TMPO: variants seen among roughly 807,000 people sequenced by gnomAD.
TMPO encodes the protein thymopoietin, also known as LEM domain containing 4.
TMPO carries 22 observed loss-of-function variants against 45.4 expected under a neutral mutation model. The ratio of observed to expected loss-of-function variants is 0.48; its 90% CI spans 0.35 to 0.69. The LOEUF (loss-of-function observed/expected upper bound fraction) is 0.69, where lower values mean the gene tolerates loss of function less well. Among genes scored for constraint, TMPO ranks in the 30% least tolerant of loss-of-function variants. The probability of loss-of-function intolerance (pLI) is 0.01; values close to 1 mark genes in which losing one functional copy is unlikely to be tolerated. For missense variants in TMPO, 512 were observed against 548.8 expected, an observed-to-expected ratio of 0.93 and a Z score of 0.67; for synonymous variants, 241 against 204.1, an observed-to-expected ratio of 1.18 and a Z score of -1.54.
At position 98,538,561 on chromosome 12, in the gene TMPO, C is replaced by T. The variant is rs767167369; in HGVS notation, c.663+989C>T. On this transcript the variant is annotated intron_variant, in intron 4 of 8. Coordinates refer to ENST00000556029, the MANE Select transcript of TMPO (RefSeq NM_001032283.3). The stretch of plus-strand genomic sequence containing the variant: ...AGAGACGGGGTTTCACCGTGTTGGC[C>T]AGGCTGGTCTCAAACTCCTGACCTC... Among the ~76,000 whole-genome samples, 8 of 152,194 alleles carry T rather than the reference C, an allele frequency of 5.3e-5. 1 individual carries two copies. The highest frequency in any genetic ancestry group is 6.8e-3 in the Middle Eastern group (2 of 294).
intron 1 of TMPO, chr12:98,527,409 G>C (rs1876855919): frequency 6.6e-6 from 1 of 152,020 alleles, no homozygotes; most frequent in Non-Finnish European, 1.4e-5. Context: ...TGTAGTCCCA[G>C]CTATTTGGGA....
chr12:98,530,494 A>G (rs1877116787), intron 2 of TMPO, among the ~76,000 whole-genome samples: 2 of 122,502 alleles, frequency 1.6e-5, no homozygotes, highest in Non-Finnish European at 1.8e-5. Flanking sequence ...ATCCATTATC[A>G]TTTTGCTCAT....
chr12:98,516,113 C>G lies in TMPO; in HGVS notation c.246C>G (p.Ala82=), dbSNP rs754839387. 3 of 1,525,496 alleles carry G rather than the reference C, an allele frequency of 2.0e-6. No homozygotes were observed. The highest frequency in any genetic ancestry group is 4.2e-5 in the Admixed American group (2 of 47,380). 94.5% of individuals were successfully genotyped at this position (1,525,496 alleles called of 1,614,324 possible). Residue 82 remains alanine (A), a synonymous_variant, in exon 1 of 9, where the codon GCC becomes GCG. Transcript: ENST00000556029. ...EPTPVLGSGA[A]AAGRSRAAVG... is the part of the protein sequence containing the mutation. The stretch of plus-strand genomic sequence containing the variant: ...CCCCGGTCCTCGGCTCTGGGGCCGC[C>G]GCCGCGGGCCGGAGCCGAGCAGCCG...
At chr12:98,545,106 A>G (rs1478254304) in intron 7 of TMPO, 45 bp downstream of exon 7, 2 of 1,321,700 alleles carry the variant, frequency 1.5e-6, no homozygotes, top group African/African-American at 2.9e-5. Flanking sequence ...GATCTTTCAA[A>G]GAGGAAATAT....
intron 1 of TMPO, among the ~76,000 whole-genome samples, chr12:98,518,282 T>G (rs1009788398): frequency 6.6e-6 from 1 of 152,096 alleles, no homozygotes; most frequent in Non-Finnish European, 1.5e-5. Context: ...GGTTGTATGT[T>G]TATAATAGAA....
intron 1 of TMPO, among the ~76,000 whole-genome samples, chr12:98,522,928 T>C (rs1876478872): frequency 6.6e-6 from 1 of 152,236 alleles, no homozygotes. Context: ...TATATTGTTA[T>C]GGTTCAACAT....
Position 98,547,973 on chromosome 12 carries a change from A to C in TMPO, c.*115A>C, listed in dbSNP as rs1802615. 2.2e-3 allele frequency: 2,683 copies of C among 1,230,346 alleles called. 47 individuals are homozygous for C. In the African/African-American group the frequency reaches 0.036, roughly 16 times the overall value. The allele number at this position is 1,230,346 out of a possible 1,614,324, so 76.2% of individuals were successfully genotyped here. ...AAAATAATGTGATTTCGCCTCAATA[A>C]ATGTAGTATTTCATTGAAAAGCAAA... On this transcript the variant is annotated 3_prime_UTR_variant, in exon 9 of 9. Coordinates refer to ENST00000556029, the MANE Select transcript of TMPO (RefSeq NM_001032283.3).
chr12:98,533,924 C>T, intron 3 of TMPO: 1 of 1,614,128 alleles, frequency 6.2e-7, no homozygotes, highest in Non-Finnish European at 8.5e-7. Flanking sequence ...ATTCAAGCAG[C>T]CTCCACTGAG....
rs751597699 is a variant in TMPO, at chr12:98,533,952, G to A, written c.565+2114G>A. 2.5e-6 allele frequency: 4 copies of A among 1,613,856 alleles called. No homozygotes were observed. The Admixed American group carries it at 5.0e-5, about 20-fold the overall frequency. ...CCACTGAGTCTTGCAATCAGCAGTT[G>A]GACTTAGCACTCTGTAGAGCATATG... is the stretch of plus-strand genomic sequence containing the variant. On this transcript the variant is annotated intron_variant, in intron 3 of 8. Transcript: ENST00000556029.
At chr12:98,534,123 T>C (rs1211245208) in intron 3 of TMPO, 2 of 1,613,814 alleles carry the variant, frequency 1.2e-6, no homozygotes, top group Non-Finnish European at 1.7e-6. Context: ...GCAAAACATA[T>C]GATGCAGCCT....
At chr12:98,534,046 AT>A (rs758621281) in intron 3 of TMPO, 1 of 1,608,764 alleles carries the variant, frequency 6.2e-7, no homozygotes. Flanking sequence ...GCAGGCAGAC[AT>A]TAGTCAAGCT....
At chr12:98,531,256 T>C (rs1031901640) in intron 2 of TMPO, among the ~76,000 whole-genome samples, 7 of 150,222 alleles carry the variant, frequency 4.7e-5, no homozygotes, top group African/African-American at 1.7e-4. Context: ...TTTTTTTTTT[T>C]TTAAGACAGC....
At chr12:98,535,466 T>G in intron 3 of TMPO, 2 of 985,336 alleles carry the variant, frequency 2.0e-6, no homozygotes, top group Non-Finnish European at 2.4e-6. Context: ...CATTACCACA[T>G]TCTTAGATTA....
At chr12:98,538,311 T>A (rs537373044) in intron 4 of TMPO, among the ~76,000 whole-genome samples, 1 of 152,332 alleles carries the variant, frequency 6.6e-6, no homozygotes, top group South Asian at 2.1e-4. Flanking sequence ...TCTAGCTGGA[T>A]GATTTGTCTA....
Position 98,533,655 on chromosome 12 carries a change from T to C in TMPO, c.565+1817T>C, listed in dbSNP as rs143185150. 13 of 1,614,206 alleles carry C rather than the reference T, an allele frequency of 8.1e-6. No individual in the cohort carries two copies. The East Asian group carries it at 2.9e-4, about 36-fold the overall frequency. On this transcript the variant is annotated intron_variant, in intron 3 of 8. Coordinates refer to ENST00000556029, the MANE Select transcript of TMPO (RefSeq NM_001032283.3). ...CTTCTTTTGCCAAAACTGTTGTCTC[T>C]CATTCACTCACTACCTTAGGTCTAG... is the stretch of plus-strand genomic sequence containing the variant.
chr12:98,519,266 A>G (rs1292554028), intron 1 of TMPO, among the ~76,000 whole-genome samples: 1 of 149,350 alleles, frequency 6.7e-6, no homozygotes, highest in Non-Finnish European at 1.5e-5. Flanking sequence ...TTGGAGTGCA[A>G]TGGCCCGATT....
chr12:98,538,765 T>C (rs1004290024), intron 4 of TMPO, among the ~76,000 whole-genome samples: 1 of 152,206 alleles, frequency 6.6e-6, no homozygotes, highest in African/African-American at 2.4e-5. Context: ...GAACGATTTG[T>C]TAGAAATGAG....
chr12:98,519,106 T>TCTCCTGACCTCGTGATC (rs1876129372), intron 1 of TMPO, among the ~76,000 whole-genome samples: 1 of 152,044 alleles, frequency 6.6e-6, no homozygotes, highest in South Asian at 2.1e-4. Flanking sequence ...ATGGCCTCGA[T>TCTCCTGACCTCGTGATC]CTCCTGACCT....
chr12:98,529,664 C>T (rs1419282354), intron 2 of TMPO, among the ~76,000 whole-genome samples: 2 of 151,886 alleles, frequency 1.3e-5, no homozygotes. Flanking sequence ...TAGGCTCAAG[C>T]AGTCCCACCT....
Sources: gnomAD v4.1 joint callset for allele counts (sites outside exome capture counted in the v4.1 genomes callset) on GRCh38, gnomAD v4.1.1 for gene constraint, MANE v1.5 for transcripts, NCBI Gene and HGNC (gene_info 2026-07-23, HGNC 2026-07-21) for gene names.